AGO2: variants seen among roughly 807,000 people sequenced by gnomAD.
AGO2 encodes the protein argonaute RISC catalytic component 2, also known as protein argonaute-2.
Under a neutral mutation model 102.3 loss-of-function variants are expected in AGO2, and 5 were observed. The ratio of observed to expected loss-of-function variants is 0.05; its 90% CI spans 0.03 to 0.10. The LOEUF is 0.10. AGO2 is among the 10% of genes least tolerant of loss of function. The pLI, the probability that AGO2 is intolerant of heterozygous loss-of-function variation, is 1.00. For missense variants in AGO2, 541 were observed against 1,183.7 expected, an observed-to-expected ratio of 0.46 and a Z score of 7.97; for synonymous variants, 449 against 473.1, an observed-to-expected ratio of 0.95 and a Z score of 0.66.
intron 1 of AGO2, among the ~76,000 whole-genome samples, chr8:140,591,123 C>A (rs749537240): frequency 6.6e-6 from 1 of 152,244 alleles, no homozygotes; most frequent in African/African-American, 2.4e-5. Context: ...GCGGGGGCAG[C>A]GGAGCTGTCC....
At chr8:140,548,393 G>C (rs994678493) in intron 12 of AGO2, among the ~76,000 whole-genome samples, 1 of 151,554 alleles carries the variant, frequency 6.6e-6, no homozygotes, top group Non-Finnish European at 1.5e-5. Flanking sequence ...GCAAATGCTT[G>C]GGTGGTTAAA....
chr8:140,556,555 T>C (rs1456471861), intron 8 of AGO2, among the ~76,000 whole-genome samples: 1 of 152,076 alleles, frequency 6.6e-6, no homozygotes, highest in Non-Finnish European at 1.5e-5. Flanking sequence ...AGCGGGGCTG[T>C]GTCCTGACAC....
At chr8:140,578,521 G>A (rs1033903568) in intron 2 of AGO2, among the ~76,000 whole-genome samples, 4 of 152,202 alleles carry the variant, frequency 2.6e-5, no homozygotes, top group African/African-American at 7.2e-5. Context: ...GTTTCGAGCC[G>A]GCGCAGGCAC....
At chr8:140,566,452 C>G (rs922344347) in intron 3 of AGO2, among the ~76,000 whole-genome samples, 2 of 152,232 alleles carry the variant, frequency 1.3e-5, no homozygotes, top group African/African-American at 4.8e-5. Flanking sequence ...CAAAGGCCAA[C>G]TGTACATATA....
chr8:140,594,189 A>G (rs1312759799), intron 1 of AGO2, among the ~76,000 whole-genome samples: 1 of 152,142 alleles, frequency 6.6e-6, no homozygotes, highest in Non-Finnish European at 1.5e-5. Context: ...CACTGGCAGC[A>G]CTCGGGTTGG....
Position 140,555,697 on chromosome 8 carries a change from T to C in AGO2, c.1269+199A>G, listed in dbSNP as rs112376909. 1.5e-3 allele frequency: 1,064 copies of C among 729,322 alleles called. 10 individuals are homozygous for C. The African/African-American group carries it at 0.017, about 12-fold the overall frequency. 45.2% of individuals were successfully genotyped at this position (729,322 alleles called of 1,614,324 possible). ...TATCTTCTGAAAACATTAAGGATAA[T>C]TCTGAAAAACTTTAAAAAGGACCAA... On this transcript the variant is annotated intron_variant, in intron 10 of 18. Coordinates refer to ENST00000220592, the MANE Select transcript of AGO2 (RefSeq NM_012154.5).
intron 3 of AGO2, among the ~76,000 whole-genome samples, chr8:140,566,561 T>C (rs1289760818): frequency 6.6e-6 from 1 of 151,684 alleles, no homozygotes; most frequent in African/African-American, 2.4e-5. Flanking sequence ...ACTGGCAACA[T>C]GGCAGACATT....
intron 2 of AGO2, among the ~76,000 whole-genome samples, chr8:140,583,149 C>G (rs1383780847): frequency 1.3e-5 from 2 of 152,218 alleles, no homozygotes; most frequent in Non-Finnish European, 2.9e-5. Flanking sequence ...CCTCGGACAT[C>G]AGAACTTCAG....
chr8:140,551,458 G>C, intron 10 of AGO2, 22 bp from the exon 11 acceptor site: 1 of 1,509,414 alleles, frequency 6.6e-7, no homozygotes, highest in Non-Finnish European at 8.9e-7. Flanking sequence ...AAAAGGTTCA[G>C]GGTGAGAAAA....
chr8:140,577,157 G>A (rs1324838402), intron 2 of AGO2, among the ~76,000 whole-genome samples: 2 of 132,930 alleles, frequency 1.5e-5, no homozygotes, highest in Non-Finnish European at 3.1e-5. Context: ...GCAGTGAGCC[G>A]AGATCACATC....
At chr8:140,542,800 G>A (rs563303504) in intron 14 of AGO2, among the ~76,000 whole-genome samples, 7 of 152,342 alleles carry the variant, frequency 4.6e-5, no homozygotes, top group Middle Eastern at 3.4e-3. Flanking sequence ...GCTGTGGCTC[G>A]GTGACAGCCA....
chr8:140,639,959 A>G (rs941718179), upstream of AGO2, among the ~76,000 whole-genome samples: 2 of 152,066 alleles, frequency 1.3e-5, no homozygotes, highest in African/African-American at 4.8e-5. Flanking sequence ...CCATCTCTAG[A>G]CAAGAGGTAC....
chr8:140,601,710 C>A (rs1370843765), intron 1 of AGO2, among the ~76,000 whole-genome samples: 7 of 152,242 alleles, frequency 4.6e-5, no homozygotes. Flanking sequence ...TCCTATCTAC[C>A]TTGTATCAGC....
At chr8:140,585,011 G>A in intron 2 of AGO2, 108 bp downstream of exon 2, 1 of 1,161,280 alleles carries the variant, frequency 8.6e-7, no homozygotes, top group Non-Finnish European at 1.2e-6. Context: ...GAAACGTTCT[G>A]GAAAAAACCC....
At chr8:140,560,535 C>T (rs775138795) in intron 4 of AGO2, 25 bp from the exon 5 acceptor site, 4 of 1,599,518 alleles carry the variant, frequency 2.5e-6, no homozygotes, top group Non-Finnish European at 3.4e-6. Flanking sequence ...CCCCACCCCG[C>T]CTCCCGTCAG....
intron 12 of AGO2, among the ~76,000 whole-genome samples, chr8:140,548,760 C>A (rs959336277): frequency 6.6e-6 from 1 of 152,202 alleles, no homozygotes; most frequent in African/African-American, 2.4e-5. Flanking sequence ...AGGCTGAGTC[C>A]CGGGCAGGAG....
chr8:140,587,996 C>A (rs1018060317), intron 1 of AGO2, among the ~76,000 whole-genome samples: 2 of 152,130 alleles, frequency 1.3e-5, no homozygotes, highest in Non-Finnish European at 2.9e-5. Flanking sequence ...ACTTCCAGGC[C>A]CACTGGAAGC....
chr8:140,529,840 C>T lies in AGO2; in HGVS notation c.*2204G>A, dbSNP rs757312438. The stretch of plus-strand genomic sequence containing the variant: ...AACCGCCATCCCCCAGACAGCCTGA[C>T]GCAGGTGGAAGAAACACACCTTTGA... On this transcript the variant is annotated 3_prime_UTR_variant, in exon 19 of 19. Coordinates refer to ENST00000220592, the MANE Select transcript of AGO2 (RefSeq NM_012154.5). 3.3e-5 allele frequency: 5 copies of T among 152,186 alleles called. No homozygotes were observed. Among genetic ancestry groups the T allele is most frequent in the East Asian group, 1.9e-4 (1 of 5,192 alleles). 9.4% of individuals were successfully genotyped at this position (152,186 alleles called of 1,614,324 possible).
chr8:140,585,111 C>G lies in AGO2; in HGVS notation c.215+8G>C. ...CTTACACAGGTCATGAAGGATGAAA[C>G]GTAATACCTGTTAACTCTCCTCGGG... On this transcript the variant is annotated splice_region_variant and intron_variant, in intron 2 of 18. Transcript: ENST00000220592. 1 of 1,612,672 alleles carries G rather than the reference C, an allele frequency of 6.2e-7. No homozygotes were observed. Among genetic ancestry groups the G allele is most frequent in the Non-Finnish European group, 8.5e-7 (1 of 1,178,944 alleles).
Sources: gnomAD v4.1 joint callset for allele counts (sites outside exome capture counted in the v4.1 genomes callset) on GRCh38, gnomAD v4.1.1 for gene constraint, MANE v1.5 for transcripts, NCBI Gene and HGNC (gene_info 2026-07-23, HGNC 2026-07-21) for gene names.